The following PARD3 variants were observed in gnomAD, a reference collection of about 807,000 sequenced individuals.
PARD3 encodes par-3 family cell polarity regulator.
In PARD3, 75 loss-of-function variants were observed where a neutral mutation model predicts 155.4. The observed-to-expected ratio is 0.48, with a 90% CI of 0.40 to 0.58. The LOEUF is 0.58. Ranked by LOEUF, PARD3 falls within the 20% of genes least tolerant of loss-of-function variation. The pLI, the probability that PARD3 is intolerant of heterozygous loss-of-function variation, is 0.00. For synonymous variants in PARD3, 576 were observed against 610.5 expected, an observed-to-expected ratio of 0.94 and a Z score of 0.83; for missense variants, 1,642 against 1,721.7, an observed-to-expected ratio of 0.95 and a Z score of 0.82.
At chr10:34,153,103 G>A (rs1354953364) in intron 22 of PARD3, among the ~76,000 whole-genome samples, 4 of 152,160 alleles carry the variant, frequency 2.6e-5, no homozygotes, top group Non-Finnish European at 5.9e-5. Flanking sequence ...GAAATTGGGG[G>A]AAAACTTTTT....
chr10:34,672,685 A>T (rs117314705), intron 2 of PARD3, among the ~76,000 whole-genome samples: 33 of 152,338 alleles, frequency 2.2e-4, no homozygotes, highest in Admixed American at 3.9e-4. Context: ...CCTATTTCTA[A>T]AAACACATAA....
At chr10:34,806,680 G>C (rs1191659891) in intron 1 of PARD3, among the ~76,000 whole-genome samples, 1 of 152,152 alleles carries the variant, frequency 6.6e-6, no homozygotes, top group Non-Finnish European at 1.5e-5. Flanking sequence ...ATTTGACCTG[G>C]AGAGCAAGCC....
chr10:34,766,700 G>T (rs1419485050), intron 1 of PARD3, among the ~76,000 whole-genome samples: 1 of 136,640 alleles, frequency 7.3e-6, no homozygotes, highest in Non-Finnish European at 1.6e-5. Flanking sequence ...AAAAGCAGGG[G>T]TATAGAAACA....
intron 1 of PARD3, among the ~76,000 whole-genome samples, chr10:34,804,963 C>G (rs1843183022): frequency 6.6e-6 from 1 of 152,168 alleles, no homozygotes. Context: ...AAGAAGGAAA[C>G]ACTGATTTTT....
intron 3 of PARD3, among the ~76,000 whole-genome samples, chr10:34,481,115 A>G (rs936069800): frequency 1.3e-5 from 2 of 152,120 alleles, no homozygotes; most frequent in African/African-American, 2.4e-5. Flanking sequence ...GCAGGTTTCT[A>G]ATACAGGTAA....
intron 2 of PARD3, among the ~76,000 whole-genome samples, chr10:34,602,431 G>A (rs962479820): frequency 2.0e-5 from 3 of 152,090 alleles, no homozygotes; most frequent in African/African-American, 7.2e-5. Flanking sequence ...AAAATTTGTT[G>A]TATACTAGGG....
chr10:34,726,518 G>A (rs1240037023), intron 1 of PARD3, among the ~76,000 whole-genome samples: 1 of 152,216 alleles, frequency 6.6e-6, no homozygotes, highest in African/African-American at 2.4e-5. Flanking sequence ...AGGAGGCAGA[G>A]GTTGCAGTGA....
intron 1 of PARD3, among the ~76,000 whole-genome samples, chr10:34,779,169 G>A (rs533126975): frequency 6.6e-6 from 1 of 152,118 alleles, no homozygotes; most frequent in African/African-American, 2.4e-5. Context: ...AAATTAGCCA[G>A]GTGGTGCACA....
chr10:34,805,024 T>C (rs889951857), intron 1 of PARD3, among the ~76,000 whole-genome samples: 3 of 152,206 alleles, frequency 2.0e-5, no homozygotes, highest in Non-Finnish European at 4.4e-5. Flanking sequence ...CCCTATAACA[T>C]AGATTAGTTT....
At chr10:34,484,875 C>T (rs2079339407) in intron 3 of PARD3, among the ~76,000 whole-genome samples, 1 of 152,248 alleles carries the variant, frequency 6.6e-6, no homozygotes, top group African/African-American at 2.4e-5. Context: ...CACTCCTCCA[C>T]AAGCTCCTTT....
At chr10:34,539,200 T>C (rs900879323) in intron 2 of PARD3, among the ~76,000 whole-genome samples, 2 of 152,184 alleles carry the variant, frequency 1.3e-5, no homozygotes, top group African/African-American at 4.8e-5. Context: ...CATCCAGCCA[T>C]AATGATTTTA....
At chr10:34,341,183 G>GAA (rs58274978) in intron 16 of PARD3, among the ~76,000 whole-genome samples, 1 of 117,340 alleles carries the variant, frequency 8.5e-6, no homozygotes, top group African/African-American at 3.2e-5. Context: ...ATAGCACTCT[G>GAA]AAAAAAAAAA....
chr10:34,389,973 C>T (rs910625482), intron 7 of PARD3, among the ~76,000 whole-genome samples: 2 of 152,168 alleles, frequency 1.3e-5, no homozygotes, highest in Non-Finnish European at 1.5e-5. Context: ...TAAGTGTAAA[C>T]TGCAACTTGT....
intron 7 of PARD3, among the ~76,000 whole-genome samples, chr10:34,397,782 C>A (rs1843477161): frequency 1.3e-5 from 2 of 152,098 alleles, no homozygotes; most frequent in African/African-American, 4.8e-5. Flanking sequence ...GGTACAGACA[C>A]AATTAAATCT....
chr10:34,301,545 G>A (rs746157249), intron 20 of PARD3, among the ~76,000 whole-genome samples: 12 of 151,852 alleles, frequency 7.9e-5, no homozygotes, highest in African/African-American at 2.7e-4. Flanking sequence ...CCCTCTATAC[G>A]CACTTCCCAG....
At chr10:34,166,864 A>G (rs1288303262) in intron 22 of PARD3, among the ~76,000 whole-genome samples, 6 of 152,204 alleles carry the variant, frequency 3.9e-5, no homozygotes. Flanking sequence ...TTTCTCCTTA[A>G]GGAAAGGTGG....
intron 2 of PARD3, among the ~76,000 whole-genome samples, chr10:34,553,292 A>T (rs1170618956): frequency 6.6e-6 from 1 of 152,190 alleles, no homozygotes; most frequent in African/African-American, 2.4e-5. Flanking sequence ...CTTCCTCCCC[A>T]GTCTCTGAAT....
At chr10:34,206,821 T>C (rs941034415) in intron 22 of PARD3, among the ~76,000 whole-genome samples, 10 of 152,200 alleles carry the variant, frequency 6.6e-5, no homozygotes, top group Non-Finnish European at 1.3e-4. Flanking sequence ...GTGTGTCTTA[T>C]GGAGAGGTGC....
At chr10:34,375,053 AACACAC>A (rs35263377) in intron 10 of PARD3, 51 bp from the exon 11 acceptor site, 10,167 of 778,972 alleles carry the variant, frequency 0.013, 19 homozygotes, top group Admixed American at 0.018. Context: ...ACAACAGGAA[AACACAC>A]ACACACACAC....
Sources: gnomAD v4.1 joint callset for allele counts (sites outside exome capture counted in the v4.1 genomes callset) on GRCh38, gnomAD v4.1.1 for gene constraint, MANE v1.5 for transcripts, NCBI Gene and HGNC (gene_info 2026-07-23, HGNC 2026-07-21) for gene names.